The following CADM1 variants were observed in gnomAD, a reference collection of about 807,000 sequenced individuals.
CADM1 encodes the protein cell adhesion molecule 1.
Under a neutral mutation model 53.1 loss-of-function variants are expected in CADM1, and 15 were observed. The ratio of observed to expected loss-of-function variants is 0.28; its 90% confidence interval spans 0.19 to 0.44. CADM1 has a LOEUF of 0.44. CADM1 is among the 20% of genes least tolerant of loss of function. The pLI is 1.00. For missense variants in CADM1, 434 were observed against 611.3 expected (o/e 0.71, Z 3.06); for synonymous variants, 281 against 243.0 (o/e 1.16, Z -1.45).
chr11:115,504,395 G>T lies in CADM1; in HGVS notation c.-1C>A. 6.5e-7 allele frequency: 1 copy of T among 1,545,664 alleles called. No homozygotes were observed. On this transcript the variant is annotated 5_prime_UTR_variant, in exon 1 of 12. Coordinates refer to ENST00000331581, the MANE Select transcript of CADM1 (RefSeq NM_001301043.2). The stretch of plus-strand genomic sequence containing the variant: ...CGCTCGGCAGCACTACACTCGCCAT[G>T]TCGGGCACCTGCCTCAGACTGGCGG...
intron 1 of CADM1, among the ~76,000 whole-genome samples, chr11:115,293,494 C>T (rs1312374713): frequency 6.6e-6 from 1 of 152,178 alleles, no homozygotes; most frequent in Non-Finnish European, 1.5e-5. Flanking sequence ...AGAAACTCTT[C>T]TGAAGATCTC....
chr11:115,317,256 C>T (rs534280340), intron 1 of CADM1, among the ~76,000 whole-genome samples: 3 of 152,234 alleles, frequency 2.0e-5, no homozygotes, highest in Non-Finnish European at 2.9e-5. Context: ...AAAAATCCAA[C>T]CGTGGACAGT....
intron 1 of CADM1, among the ~76,000 whole-genome samples, chr11:115,489,877 T>C (rs1188432803): frequency 6.6e-6 from 1 of 152,150 alleles, no homozygotes; most frequent in Non-Finnish European, 1.5e-5. Flanking sequence ...GCCATATACA[T>C]TAAGGTGCTT....
At chr11:115,245,068 G>A (rs1942365893) in intron 1 of CADM1, among the ~76,000 whole-genome samples, 1 of 152,110 alleles carries the variant, frequency 6.6e-6, no homozygotes. Context: ...ACAGAATTGA[G>A]TTTATACTAT....
At chr11:115,434,860 A>ATTTTTTT (rs35368859) in intron 1 of CADM1, among the ~76,000 whole-genome samples, 27 of 132,810 alleles carry the variant, frequency 2.0e-4, no homozygotes, top group Non-Finnish European at 3.6e-4. Context: ...TATTATTATT[A>ATTTTTTT]TTATTTTTTT....
intron 1 of CADM1, among the ~76,000 whole-genome samples, chr11:115,247,077 G>A (rs558710141): frequency 1.2e-4 from 19 of 152,120 alleles, no homozygotes; most frequent in Admixed American, 1.3e-4. Flanking sequence ...GCAAATTAAC[G>A]TTCTCTATTT....
At chr11:115,465,779 A>G (rs554528026) in intron 1 of CADM1, among the ~76,000 whole-genome samples, 31 of 137,906 alleles carry the variant, frequency 2.2e-4, no homozygotes, top group African/African-American at 7.0e-4. Context: ...AACAGCCTCT[A>G]TAACTTTTTA....
chr11:115,255,965 G>A lies in CADM1; in HGVS notation c.125-15545C>T, dbSNP rs192428502. ...GCAAAAATGACTACTTCTAGCCAGC[G>A]CTCTCACCCTTAGTGGGGTCTGTCA... On this transcript the variant is annotated intron_variant, in intron 1 of 11. Transcript: ENST00000331581. Among the ~76,000 whole-genome samples the A allele has an allele frequency of 4.6e-5, 7 of 152,334 alleles. No individual in the cohort carries two copies. The East Asian group carries it at 5.8e-4, about 13-fold the overall frequency.
intron 1 of CADM1, among the ~76,000 whole-genome samples, chr11:115,339,376 AC>A (rs1228746401): frequency 1.3e-5 from 2 of 152,106 alleles, no homozygotes; most frequent in African/African-American, 4.8e-5. Context: ...CTTGAAACCA[AC>A]CCAAATGTCC....
intron 1 of CADM1, among the ~76,000 whole-genome samples, chr11:115,326,530 T>C (rs1329332023): frequency 6.6e-6 from 1 of 152,176 alleles, no homozygotes; most frequent in African/African-American, 2.4e-5. Context: ...TCAAACCTTA[T>C]AAATATTAAT....
intron 1 of CADM1, among the ~76,000 whole-genome samples, chr11:115,433,499 G>A (rs928486606): frequency 7.9e-5 from 12 of 152,038 alleles, no homozygotes; most frequent in African/African-American, 2.7e-4. Context: ...TACCGAAAAC[G>A]GCATGCCATA....
intron 1 of CADM1, among the ~76,000 whole-genome samples, chr11:115,391,013 C>T (rs1457367139): frequency 6.6e-6 from 1 of 152,182 alleles, no homozygotes; most frequent in Non-Finnish European, 1.5e-5. Context: ...CATTTAATGA[C>T]TGCCGATAGC....
intron 1 of CADM1, among the ~76,000 whole-genome samples, chr11:115,312,863 A>G (rs756084835): frequency 1.3e-5 from 2 of 152,170 alleles, no homozygotes; most frequent in Non-Finnish European, 2.9e-5. Context: ...AAAATGTCCA[A>G]AGATTTTGAT....
At chr11:115,307,906 T>C (rs937507349) in intron 1 of CADM1, among the ~76,000 whole-genome samples, 4 of 151,858 alleles carry the variant, frequency 2.6e-5, no homozygotes, top group African/African-American at 9.7e-5. Context: ...GGCTTTCTTT[T>C]TTAAAATCCA....
chr11:115,452,657 C>G (rs546015244), intron 1 of CADM1, among the ~76,000 whole-genome samples: 12 of 152,044 alleles, frequency 7.9e-5, no homozygotes, highest in Non-Finnish European at 1.8e-4. Context: ...ACAGGCAGCC[C>G]TGCAAACATA....
At chr11:115,242,863 T>C (rs1360374997) in intron 1 of CADM1, among the ~76,000 whole-genome samples, 1 of 152,230 alleles carries the variant, frequency 6.6e-6, no homozygotes, top group Non-Finnish European at 1.5e-5. Flanking sequence ...AATTCAATTA[T>C]GCTTTAACAG....
At chr11:115,353,361 G>A (rs957377005) in intron 1 of CADM1, among the ~76,000 whole-genome samples, 10 of 152,196 alleles carry the variant, frequency 6.6e-5, no homozygotes, top group East Asian at 1.9e-4. Flanking sequence ...CACATGCAGC[G>A]ATTGAGAATT....
chr11:115,444,698 C>A (rs114172015), intron 1 of CADM1, among the ~76,000 whole-genome samples: 1,734 of 152,302 alleles, frequency 0.011, 38 homozygotes, highest in African/African-American at 0.039. Context: ...TGAGACTAGG[C>A]CATTGGTCCC....
At chr11:115,190,592 G>C (rs2134641101) in intron 10 of CADM1, 1 of 343,698 alleles carries the variant, frequency 2.9e-6, no homozygotes, top group African/African-American at 2.1e-5. Context: ...TATATATCTA[G>C]GACATAAACA....
Sources: allele counts gnomAD v4.1 joint callset (sites outside exome capture counted in the v4.1 genomes callset), GRCh38; gene constraint gnomAD v4.1.1; transcripts MANE v1.5; gene names NCBI Gene and HGNC (gene_info 2026-07-23, HGNC 2026-07-21).